The following HMCN1 variants were observed in gnomAD, a reference collection of about 807,000 sequenced individuals.
HMCN1 encodes hemicentin-1.
Under a neutral mutation model 625.9 loss-of-function variants are expected in HMCN1, and 321 were observed. The observed-to-expected ratio is 0.51, with a 90% confidence interval of 0.47 to 0.56. The LOEUF is 0.56. Among genes scored for constraint, HMCN1 ranks in the 20% least tolerant of loss-of-function variants. HMCN1 has a pLI of 0.00. For missense variants in HMCN1, 6,588 were observed against 6,887.3 expected, an observed-to-expected ratio of 0.96 and a Z score of 1.54; for synonymous variants, 2,425 against 2,417.6, an observed-to-expected ratio of 1.00 and a Z score of -0.09.
At chr1:185,811,148 T>A (rs1464970860) in intron 1 of HMCN1, among the ~76,000 whole-genome samples, 1 of 152,108 alleles carries the variant, frequency 6.6e-6, no homozygotes, top group Non-Finnish European at 1.5e-5. Flanking sequence ...ATAGGAGTGG[T>A]CTTACAGAAT....
intron 100 of HMCN1, among the ~76,000 whole-genome samples, chr1:186,168,192 T>A (rs1391741471): frequency 6.7e-6 from 1 of 149,722 alleles, no homozygotes; most frequent in East Asian, 1.9e-4. Flanking sequence ...AGATAGTTAA[T>A]GTTTGCCTTT....
intron 71 of HMCN1, among the ~76,000 whole-genome samples, chr1:186,110,013 T>C (rs1660802479): frequency 6.6e-6 from 1 of 152,126 alleles, no homozygotes; most frequent in Non-Finnish European, 1.5e-5. Flanking sequence ...GTGATGTCAA[T>C]CCTAGGAAAG....
intron 53 of HMCN1, among the ~76,000 whole-genome samples, chr1:186,075,211 G>C (rs570702488): frequency 6.6e-6 from 1 of 152,108 alleles, no homozygotes; most frequent in East Asian, 1.9e-4. Context: ...TTACATGAAA[G>C]GCAGGAAAGT....
intron 75 of HMCN1, among the ~76,000 whole-genome samples, chr1:186,116,131 T>C (rs565268629): frequency 6.6e-6 from 1 of 152,274 alleles, no homozygotes; most frequent in South Asian, 2.1e-4. Flanking sequence ...TTCTATCATG[T>C]CTCTTTTTCA....
intron 11 of HMCN1, among the ~76,000 whole-genome samples, chr1:185,942,105 C>A (rs1451171814): frequency 6.7e-6 from 1 of 150,230 alleles, no homozygotes; most frequent in Admixed American, 6.7e-5. Context: ...GCGGGAGAAT[C>A]ACTTACACCC....
At position 186,078,141 on chromosome 1, in the gene HMCN1, A is replaced by G. The variant is rs754129977; in HGVS notation, c.8520A>G (p.Val2840=). ...TGTTGCAGATTCCTCGGGCTAAAGT[A>G]GAAGATGCTGGGAGATACACATGTG... The part of the protein sequence containing the change: ...GRVLQIPRAK[V]EDAGRYTCVA... The change falls in exon 55 of 107, where the codon GTA becomes GTG. Residue 2840 remains valine (V), a synonymous_variant. Transcript: ENST00000271588. The G allele has an allele frequency of 1.2e-6, 2 of 1,613,826 alleles. No individual in the cohort carries two copies. The highest frequency in any genetic ancestry group is 2.2e-5 in the East Asian group (1 of 44,814).
intron 1 of HMCN1, among the ~76,000 whole-genome samples, chr1:185,796,001 C>T (rs58610741): frequency 0.092 from 13,974 of 152,136 alleles, 2,040 homozygotes; most frequent in African/African-American, 0.31. Context: ...TTTGTTAACA[C>T]GGATATCTTA....
intron 106 of HMCN1, among the ~76,000 whole-genome samples, 179 bp downstream of exon 106, chr1:186,188,188 C>T (rs907098774): frequency 1.8e-4 from 27 of 152,190 alleles, no homozygotes; most frequent in Admixed American, 7.2e-4. Flanking sequence ...GCTCATCCTG[C>T]AGCAGCCACT....
chr1:186,038,664 G>T (rs1655996312), intron 37 of HMCN1, among the ~76,000 whole-genome samples, 165 bp from the exon 38 acceptor site: 1 of 151,978 alleles, frequency 6.6e-6, no homozygotes, highest in Non-Finnish European at 1.5e-5. Context: ...TTTTCTAAGG[G>T]TTACCTTCTC....
intron 30 of HMCN1, among the ~76,000 whole-genome samples, chr1:186,010,970 G>A (rs368648217): frequency 6.6e-6 from 1 of 151,822 alleles, no homozygotes; most frequent in African/African-American, 2.4e-5. Context: ...TTATTTTGTG[G>A]GGAAACATTT....
At chr1:185,920,009 C>G (rs1359844822) in intron 6 of HMCN1, among the ~76,000 whole-genome samples, 3 of 152,098 alleles carry the variant, frequency 2.0e-5, no homozygotes, top group African/African-American at 7.2e-5. Context: ...TTAAAGGGAG[C>G]TTAGACAAGA....
intron 36 of HMCN1, among the ~76,000 whole-genome samples, chr1:186,028,747 C>T (rs147716941): frequency 0.015 from 1,988 of 133,520 alleles, 50 homozygotes; most frequent in African/African-American, 0.057. Context: ...TTTTTTGAGA[C>T]GGAGTCTCGC....
intron 1 of HMCN1, among the ~76,000 whole-genome samples, chr1:185,832,636 G>A (rs940026482): frequency 6.6e-6 from 1 of 152,116 alleles, no homozygotes; most frequent in Non-Finnish European, 1.5e-5. Context: ...CATCATAAAT[G>A]TAAATGTACA....
intron 2 of HMCN1, among the ~76,000 whole-genome samples, chr1:185,852,737 T>C (rs143949475): frequency 6.6e-6 from 1 of 151,850 alleles, no homozygotes; most frequent in African/African-American, 2.4e-5. Flanking sequence ...ACAGGCTCAA[T>C]AAATGTTATC....
At chr1:185,965,379 A>G (rs1353692138) in intron 13 of HMCN1, among the ~76,000 whole-genome samples, 1 of 152,042 alleles carries the variant, frequency 6.6e-6, no homozygotes, top group African/African-American at 2.4e-5. Flanking sequence ...TCAAGTCTTA[A>G]TTTAGCTGTC....
chr1:186,039,594 T>C (rs1328891728), intron 38 of HMCN1, 134 bp from the exon 39 acceptor site: 1 of 872,648 alleles, frequency 1.1e-6, no homozygotes, highest in Non-Finnish European at 1.9e-6. Context: ...AAGAGAGATG[T>C]GAAAGAACTT....
Position 185,993,262 on chromosome 1 carries a change from C to A in HMCN1, c.3458C>A (p.Thr1153Lys). ...SDSGMYLCVA[T>K]NIAGNVTQAV... ...AGTGGGATGTATCTTTGTGTTGCCA[C>A]AAATATTGCTGGGAATGTGACTCAG... The change falls in exon 23 of 107, where the codon ACA (threonine) becomes AAA (lysine). Residue 1153 changes from threonine (T) to lysine (K), a missense_variant. Physicochemically the swap from Thr to Lys is moderately conservative, Grantham distance 78. Coordinates refer to ENST00000271588, the MANE Select transcript of HMCN1 (RefSeq NM_031935.3). The A allele has an allele frequency of 6.2e-7, 1 of 1,613,186 alleles. No homozygotes were observed. The highest frequency in any genetic ancestry group is 8.5e-7 in the Non-Finnish European group (1 of 1,179,314).
chr1:185,852,848 G>A (rs1662245375), intron 2 of HMCN1, among the ~76,000 whole-genome samples: 1 of 151,952 alleles, frequency 6.6e-6, no homozygotes, highest in South Asian at 2.1e-4. Flanking sequence ...TATGTGCCTT[G>A]CAAAAGGTTT....
At chr1:186,146,030 A>G (rs565970251) in intron 93 of HMCN1, 107 bp downstream of exon 93, 3 of 488,862 alleles carry the variant, frequency 6.1e-6, no homozygotes, top group African/African-American at 8.9e-5. Flanking sequence ...GTGGAATTAG[A>G]AAAAAAAAAA....
Sources: gnomAD v4.1 joint callset for allele counts (sites outside exome capture counted in the v4.1 genomes callset) on GRCh38, gnomAD v4.1.1 for gene constraint, MANE v1.5 for transcripts, NCBI Gene and HGNC (gene_info 2026-07-23, HGNC 2026-07-21) for gene names.